The following PCDH15 variants were observed in gnomAD, a reference collection of about 807,000 sequenced individuals.
PCDH15 encodes protocadherin-15.
In PCDH15, 129 loss-of-function variants were observed where a neutral mutation model predicts 178.5. The ratio of observed to expected loss-of-function variants is 0.72; its 90% CI spans 0.63 to 0.84. The LOEUF is 0.84. Among genes scored for constraint, PCDH15 ranks in the 40% least tolerant of loss-of-function variants. PCDH15 has a pLI of 0.00. For missense variants in PCDH15, 2,230 were observed against 2,099.9 expected, an observed-to-expected ratio of 1.06 and a Z score of -1.21; for synonymous variants, 800 against 732.0, an observed-to-expected ratio of 1.09 and a Z score of -1.50.
chr10:53,831,601 T>A, intron 29 of PCDH15, 68 bp from the exon 30 acceptor site: 1 of 1,166,470 alleles, frequency 8.6e-7, no homozygotes, highest in Non-Finnish European at 1.2e-6. Flanking sequence ...AAATAAAATC[T>A]TTTTGTAAGA....
chr10:54,574,187 T>C (rs1034395614), intron 2 of PCDH15, among the ~76,000 whole-genome samples: 2 of 151,424 alleles, frequency 1.3e-5, no homozygotes, highest in African/African-American at 4.9e-5. Context: ...TAATCCATCT[T>C]GAATTAATTT....
chr10:55,191,521 T>C (rs1431346878), intron 1 of PCDH15, among the ~76,000 whole-genome samples: 2 of 151,894 alleles, frequency 1.3e-5, no homozygotes, highest in South Asian at 4.1e-4. Flanking sequence ...GTGCACCTGG[T>C]TTGCTATCAG....
At chr10:55,222,570 C>T (rs543729492) in intron 1 of PCDH15, among the ~76,000 whole-genome samples, 1 of 151,518 alleles carries the variant, frequency 6.6e-6, no homozygotes, top group Non-Finnish European at 1.5e-5. Context: ...AACGTGCCAG[C>T]TGGAGAACTA....
intron 2 of PCDH15, among the ~76,000 whole-genome samples, chr10:54,610,950 G>T (rs11004411): frequency 0.12 from 17,517 of 151,520 alleles, 1,219 homozygotes; most frequent in Middle Eastern, 0.17. Flanking sequence ...TGCTTATTTT[G>T]GTCAGTGTTA....
At chr10:55,483,303 T>C (rs1275116388) in intron 2 of PCDH15, among the ~76,000 whole-genome samples, 4 of 151,614 alleles carry the variant, frequency 2.6e-5, no homozygotes, top group Middle Eastern at 3.4e-3. Flanking sequence ...CATAAAAAAG[T>C]GGGCAAAGTA....
chr10:53,827,509 G>T lies in PCDH15; in HGVS notation c.4251C>A (p.Ala1417=), dbSNP rs751189532. Residue 1417 remains alanine (A), a synonymous_variant, in exon 32 of 38, where the codon GCC becomes GCA. Transcript: ENST00000644397. ...CTGCTGGTTTAGCCGCGGGTAATGC[G>T]GCCTGAATTCGTGCAGTCTTTGTAC... is the stretch of plus-strand genomic sequence containing the variant. ...AECTKTARIQ[A]ALPAAKPAVP... 2 of 1,613,964 alleles carry T rather than the reference G, an allele frequency of 1.2e-6. No individual in the cohort carries two copies. Among genetic ancestry groups the T allele is most frequent in the East Asian group, 4.5e-5 (2 of 44,886 alleles).
At chr10:55,039,503 A>C (rs891621281) in intron 2 of PCDH15, among the ~76,000 whole-genome samples, 10 of 152,140 alleles carry the variant, frequency 6.6e-5, no homozygotes, top group Non-Finnish European at 1.5e-4. Context: ...TCCAGTAGTT[A>C]TGCATATAAA....
intron 2 of PCDH15, among the ~76,000 whole-genome samples, chr10:55,369,883 G>A (rs776680764): frequency 1.6e-4 from 24 of 151,892 alleles, no homozygotes; most frequent in Non-Finnish European, 2.7e-4. Flanking sequence ...GTCCTGGACT[G>A]AGACACATGC....
intron 1 of PCDH15, among the ~76,000 whole-genome samples, chr10:54,738,389 G>A (rs948526365): frequency 1.3e-5 from 2 of 152,052 alleles, no homozygotes; most frequent in Non-Finnish European, 2.9e-5. Context: ...GCTAAAATGT[G>A]TTTTAATTTA....
intron 2 of PCDH15, among the ~76,000 whole-genome samples, chr10:54,618,084 T>G (rs1306165286): frequency 6.6e-6 from 1 of 152,132 alleles, no homozygotes; most frequent in Non-Finnish European, 1.5e-5. Context: ...CTACTTCCCA[T>G]TTAGCATGTT....
chr10:54,197,401 T>C (rs1292543321), intron 10 of PCDH15, among the ~76,000 whole-genome samples: 1 of 152,094 alleles, frequency 6.6e-6, no homozygotes, highest in East Asian at 1.9e-4. Flanking sequence ...CTGGAAAATC[T>C]CCTCCAACTT....
At chr10:55,095,529 TTTC>T (rs1842428296) in intron 2 of PCDH15, among the ~76,000 whole-genome samples, 1 of 152,106 alleles carries the variant, frequency 6.6e-6, no homozygotes, top group Non-Finnish European at 1.5e-5. Context: ...TTGTCCTTCT[TTTC>T]TTTCTACCTC....
At chr10:54,170,845 C>G (rs1308373437) in intron 13 of PCDH15, among the ~76,000 whole-genome samples, 2 of 151,926 alleles carry the variant, frequency 1.3e-5, no homozygotes, top group African/African-American at 2.4e-5. Context: ...TCCTTTCCAT[C>G]GTGGAAATCT....
chr10:54,359,735 A>G (rs2134453705), intron 5 of PCDH15, among the ~76,000 whole-genome samples: 1 of 152,096 alleles, frequency 6.6e-6, no homozygotes, highest in African/African-American at 2.4e-5. Flanking sequence ...CTGTGCTTTC[A>G]TTTGGCTGAA....
At chr10:54,026,804 C>T (rs1170650373) in intron 18 of PCDH15, among the ~76,000 whole-genome samples, 2 of 152,058 alleles carry the variant, frequency 1.3e-5, no homozygotes, top group Non-Finnish European at 2.9e-5. Context: ...ATAATAAGAG[C>T]TATCTATGAC....
intron 1 of PCDH15, among the ~76,000 whole-genome samples, chr10:54,683,910 T>C (rs1478533098): frequency 6.6e-6 from 1 of 152,032 alleles, no homozygotes; most frequent in African/African-American, 2.4e-5. Flanking sequence ...GAAAATCATC[T>C]AGAAAGGGTG....
At chr10:53,855,093 T>C (rs889626990) in intron 28 of PCDH15, among the ~76,000 whole-genome samples, 1 of 152,072 alleles carries the variant, frequency 6.6e-6, no homozygotes, top group Non-Finnish European at 1.5e-5. Flanking sequence ...TTGTAAAACA[T>C]CCTTTCAATA....
intron 2 of PCDH15, among the ~76,000 whole-genome samples, chr10:55,619,826 G>A (rs1047921925): frequency 3.9e-5 from 6 of 151,910 alleles, no homozygotes; most frequent in African/African-American, 1.4e-4. Flanking sequence ...TATTAAACTG[G>A]AATGCTATCA....
chr10:54,947,096 C>CA (rs1838216307), intron 2 of PCDH15, among the ~76,000 whole-genome samples: 1 of 151,588 alleles, frequency 6.6e-6, no homozygotes, highest in Non-Finnish European at 1.5e-5. Context: ...TAATTAATTG[C>CA]AAAATTGAAC....
Sources: gnomAD v4.1 joint callset for allele counts (sites outside exome capture counted in the v4.1 genomes callset) on GRCh38, gnomAD v4.1.1 for gene constraint, MANE v1.5 for transcripts, NCBI Gene and HGNC (gene_info 2026-07-23, HGNC 2026-07-21) for gene names.